Variants in AUTS2 observed in about 807,000 individuals in gnomAD.
AUTS2 encodes activator of transcription and developmental regulator AUTS2, also known as autism susceptibility gene 2 protein.
In AUTS2, 17 loss-of-function variants were observed where a neutral mutation model predicts 112.4. That is an observed-to-expected ratio of 0.15 (90% CI 0.10 to 0.23). The LOEUF is 0.23. AUTS2 is among the 10% of genes least tolerant of loss of function. The pLI is 1.00. For missense variants in AUTS2, 1,510 were observed against 1,701.6 expected, an observed-to-expected ratio of 0.89 and a Z score of 1.98; for synonymous variants, 751 against 702.7, an observed-to-expected ratio of 1.07 and a Z score of -1.09.
chr7:70,392,228 G>A (rs997000621), intron 4 of AUTS2, among the ~76,000 whole-genome samples: 3 of 152,002 alleles, frequency 2.0e-5, no homozygotes, highest in African/African-American at 7.3e-5. Flanking sequence ...TATTCCCTTT[G>A]CCTAGTGTAC....
chr7:69,748,539 T>C (rs1000186564), intron 1 of AUTS2, among the ~76,000 whole-genome samples: 1 of 152,200 alleles, frequency 6.6e-6, no homozygotes, highest in Non-Finnish European at 1.5e-5. Context: ...TGGTGAAGCT[T>C]CCCTTGATCC....
intron 2 of AUTS2, among the ~76,000 whole-genome samples, chr7:69,940,097 T>C (rs949471892): frequency 6.6e-6 from 1 of 152,226 alleles, no homozygotes; most frequent in South Asian, 2.1e-4. Flanking sequence ...TTCTATTTTA[T>C]AGGTAACACA....
rs35577599 is a variant in AUTS2 at position 70,696,674 on chromosome 7, A to AACAC, written c.691-1876_691-1873dup. Among the ~76,000 whole-genome samples the AACAC allele has an allele frequency of 6.5e-3, 974 of 150,248 alleles. 8 individuals carry two copies. Among genetic ancestry groups the AACAC allele is most frequent in the Admixed American group, 0.022 (332 of 15,076 alleles). On this transcript the variant is annotated intron_variant, in intron 5 of 18. Transcript: ENST00000342771. The stretch of plus-strand genomic sequence containing the variant: ...CCACAGCTTCTGTCCTTTTCACTCG[A>AACAC]ACACACACACACACACACACACTAA...
chr7:69,959,497 C>T (rs1797347378), intron 2 of AUTS2, among the ~76,000 whole-genome samples: 1 of 152,098 alleles, frequency 6.6e-6, no homozygotes, highest in Middle Eastern at 3.2e-3. Flanking sequence ...GACCTCCTCT[C>T]CAGTATCCCT....
intron 4 of AUTS2, among the ~76,000 whole-genome samples, chr7:70,419,657 G>A (rs1192863765): frequency 2.6e-5 from 4 of 152,092 alleles, no homozygotes. Context: ...AAAATATGAA[G>A]GCTCTTGATG....
intron 2 of AUTS2, among the ~76,000 whole-genome samples, chr7:70,007,916 A>G (rs897566094): frequency 2.0e-5 from 3 of 152,124 alleles, no homozygotes; most frequent in East Asian, 3.9e-4. Flanking sequence ...TTTTACCTTT[A>G]TAGGTGTTTG....
chr7:69,849,055 G>T (rs1032783078), intron 1 of AUTS2, among the ~76,000 whole-genome samples: 1 of 152,068 alleles, frequency 6.6e-6, no homozygotes, highest in Non-Finnish European at 1.5e-5. Flanking sequence ...GGTGGCGTGC[G>T]CCTGTAGTCC....
chr7:70,149,802 A>G (rs1006683532), intron 4 of AUTS2, among the ~76,000 whole-genome samples: 3 of 152,088 alleles, frequency 2.0e-5, no homozygotes, highest in Admixed American at 6.6e-5. Context: ...TTACTTAAAA[A>G]TCTTGGAAAT....
chr7:69,707,651 GA>G (rs1292633532), intron 1 of AUTS2, among the ~76,000 whole-genome samples: 4 of 152,144 alleles, frequency 2.6e-5, no homozygotes, highest in African/African-American at 4.8e-5. Context: ...GGATGCTAGG[GA>G]TATATTTGTG....
At chr7:69,699,227 T>C (rs1797692782) in intron 1 of AUTS2, among the ~76,000 whole-genome samples, 2 of 152,202 alleles carry the variant, frequency 1.3e-5, no homozygotes, top group South Asian at 4.1e-4. Context: ...TATATTAATA[T>C]GATCCCAAAA....
At chr7:69,784,395 T>G (rs1305252706) in intron 1 of AUTS2, among the ~76,000 whole-genome samples, 1 of 152,204 alleles carries the variant, frequency 6.6e-6, no homozygotes, top group African/African-American at 2.4e-5. Flanking sequence ...GGGGTTTGGA[T>G]GGAGTCCAAC....
chr7:70,007,142 C>T (rs1461348389), intron 2 of AUTS2, among the ~76,000 whole-genome samples: 3 of 152,130 alleles, frequency 2.0e-5, no homozygotes, highest in Non-Finnish European at 4.4e-5. Context: ...GCAGAAAATG[C>T]CGTATGCATA....
chr7:70,084,077 CAAAA>C (rs762392282), intron 2 of AUTS2, among the ~76,000 whole-genome samples: 2 of 151,380 alleles, frequency 1.3e-5, no homozygotes, highest in East Asian at 1.9e-4. Context: ...AACAAACAAA[CAAAA>C]AAAACAAAAA....
rs993339848 is a variant in AUTS2, at chr7:70,443,186, G to A, written c.690+7405G>A. ...GTCAACAGAATAAATACTTGTTATT[G>A]GAAATATGTCAGGCATTTTCAGCTA... On this transcript the variant is annotated intron_variant, in intron 5 of 18. Transcript: ENST00000342771. Among the ~76,000 whole-genome samples, 3 of 152,100 alleles carry A rather than the reference G, an allele frequency of 2.0e-5. 1 individual carries two copies. The highest frequency in any genetic ancestry group is 4.4e-5 in the Non-Finnish European group (3 of 68,030).
intron 4 of AUTS2, among the ~76,000 whole-genome samples, chr7:70,433,435 G>A (rs1361589129): frequency 6.6e-6 from 1 of 152,190 alleles, no homozygotes; most frequent in Non-Finnish European, 1.5e-5. Context: ...TCTTGAAAAT[G>A]TGCCCAGATC....
intron 4 of AUTS2, among the ~76,000 whole-genome samples, chr7:70,255,311 A>T (rs1786806106): frequency 2.0e-5 from 3 of 151,998 alleles, no homozygotes; most frequent in Admixed American, 1.3e-4. Flanking sequence ...TGACCTCGTT[A>T]TCCGCCCGCC....
chr7:70,361,540 C>A (rs991047560), intron 4 of AUTS2, among the ~76,000 whole-genome samples: 4 of 152,068 alleles, frequency 2.6e-5, no homozygotes, highest in African/African-American at 4.8e-5. Context: ...TTTTGATGCT[C>A]CCGTCTAAAT....
At chr7:70,000,586 A>AT (rs1461839466) in intron 2 of AUTS2, among the ~76,000 whole-genome samples, 2 of 152,204 alleles carry the variant, frequency 1.3e-5, no homozygotes, top group Non-Finnish European at 1.5e-5. Context: ...ATTGTTTGGA[A>AT]TGAAGAGGTA....
Position 70,662,206 on chromosome 7 carries a change from C to G in AUTS2, c.691-36363C>G, listed in dbSNP as rs542396513. Among the ~76,000 whole-genome samples, 3 of 152,230 alleles carry G rather than the reference C, an allele frequency of 2.0e-5. No homozygotes were observed. In the South Asian group the frequency reaches 6.2e-4, roughly 32 times the overall value. On this transcript the variant is annotated intron_variant, in intron 5 of 18. Transcript: ENST00000342771. ...AGCCCACTGCAGAATGCCTTCTGCC[C>G]ATTGCACAGTGGCAGCGTGCTTTGG...
Sources: gnomAD v4.1 joint callset for allele counts (sites outside exome capture counted in the v4.1 genomes callset) on GRCh38, gnomAD v4.1.1 for gene constraint, MANE v1.5 for transcripts, NCBI Gene and HGNC (gene_info 2026-07-23, HGNC 2026-07-21) for gene names.